Variants in ADARB2 observed in about 807,000 individuals in gnomAD.
The protein encoded by ADARB2 is inactive double-stranded RNA-specific editase B2.
Under a neutral mutation model 62.2 loss-of-function variants are expected in ADARB2, and 25 were observed. That is an observed-to-expected ratio of 0.40 (90% confidence interval 0.29 to 0.56). The LOEUF is 0.56. Ranked by LOEUF, ADARB2 falls within the 20% of genes least tolerant of loss-of-function variation. The pLI, the probability that ADARB2 is intolerant of heterozygous loss-of-function variation, is 0.43. For missense variants in ADARB2, 1,071 were observed against 1,077.4 expected, an observed-to-expected ratio of 0.99 and a Z score of 0.08; for synonymous variants, 572 against 500.8, an observed-to-expected ratio of 1.14 and a Z score of -1.90.
intron 1 of ADARB2, among the ~76,000 whole-genome samples, chr10:1,718,975 T>TTTG (rs747322897): frequency 3.6e-5 from 4 of 112,012 alleles, no homozygotes; most frequent in Admixed American, 8.8e-5. Context: ...TTACCTTCTT[T>TTTG]TTGTTGTTGT....
chr10:1,729,804 T>G (rs1209306313), intron 1 of ADARB2, among the ~76,000 whole-genome samples: 1 of 152,186 alleles, frequency 6.6e-6, no homozygotes, highest in African/African-American at 2.4e-5. Flanking sequence ...GAGGCTCCAG[T>G]TTCTGAGAAC....
chr10:1,277,855 A>G (rs1172457123), intron 3 of ADARB2, among the ~76,000 whole-genome samples: 1 of 152,254 alleles, frequency 6.6e-6, no homozygotes, highest in African/African-American at 2.4e-5. Flanking sequence ...GAAATCCTCA[A>G]TAAAATACTG....
intron 1 of ADARB2, among the ~76,000 whole-genome samples, chr10:1,544,956 T>TACACACACACACACACACACACAC (rs1554770300): frequency 0.059 from 7,927 of 133,796 alleles, 396 homozygotes; most frequent in Non-Finnish European, 0.078. Flanking sequence ...TAGCAAAGTA[T>TACACACACACACACACACACACAC]ACACACACAC....
At chr10:1,348,523 G>C in intron 3 of ADARB2, among the ~76,000 whole-genome samples, 1 of 152,290 alleles carries the variant, frequency 6.6e-6, no homozygotes, top group East Asian at 1.9e-4. Flanking sequence ...GCCCTTGGCC[G>C]GGAGGTGCCT....
intron 1 of ADARB2, among the ~76,000 whole-genome samples, chr10:1,415,488 G>C (rs575183521): frequency 1.8e-5 from 1 of 56,126 alleles, no homozygotes; most frequent in East Asian, 2.7e-4. Context: ...ATTGATACAT[G>C]AGTTGGCCAG....
At chr10:1,588,025 C>T (rs1833201957) in intron 1 of ADARB2, among the ~76,000 whole-genome samples, 1 of 152,176 alleles carries the variant, frequency 6.6e-6, no homozygotes, top group Non-Finnish European at 1.5e-5. Flanking sequence ...TCTTTATCAA[C>T]AGCTGAAAGC....
In ADARB2 at chr10:1,270,968, G is replaced by A. The variant is rs867615160; in HGVS notation, c.1179C>T (p.Ile393=). The change falls in exon 4 of 10, where the codon ATC becomes ATT. Residue 393 remains isoleucine (I), a synonymous_variant. Coordinates refer to ENST00000381312, the MANE Select transcript of ADARB2 (RefSeq NM_018702.4). ...MHARHKALAG[I]VMTKGLDARQ... ...GGAGGTGGCTACCTTTGGTCATGAC[G>A]ATTCCTGCCAGCGCTTTATGGCGGG... 2 of 1,614,110 alleles carry A rather than the reference G, an allele frequency of 1.2e-6. No homozygotes were observed. The highest frequency in any genetic ancestry group is 8.5e-7 in the Non-Finnish European group (1 of 1,179,994).
At chr10:1,184,766 G>T in intron 9 of ADARB2, 95 bp downstream of exon 9, 1 of 1,384,896 alleles carries the variant, frequency 7.2e-7, no homozygotes, top group Non-Finnish European at 9.8e-7. Context: ...CTCCCTCCCT[G>T]CAGACCAAGT....
chr10:1,523,989 AT>A (rs1297077967), intron 1 of ADARB2, among the ~76,000 whole-genome samples: 3 of 152,132 alleles, frequency 2.0e-5, no homozygotes, highest in Non-Finnish European at 4.4e-5. Context: ...TCACCTATTC[AT>A]TTTTTAATTA....
chr10:1,488,622 G>T (rs1351869689), intron 1 of ADARB2, among the ~76,000 whole-genome samples: 1 of 152,132 alleles, frequency 6.6e-6, no homozygotes, highest in Non-Finnish European at 1.5e-5. Context: ...CCATGAAATA[G>T]CCTAACACTG....
At chr10:1,295,753 T>C (rs1287230989) in intron 3 of ADARB2, among the ~76,000 whole-genome samples, 1 of 152,228 alleles carries the variant, frequency 6.6e-6, no homozygotes, top group Non-Finnish European at 1.5e-5. Flanking sequence ...GATAAATGGT[T>C]TTATTTTATT....
chr10:1,424,107 G>T (rs1025375466), intron 1 of ADARB2, among the ~76,000 whole-genome samples: 2 of 152,076 alleles, frequency 1.3e-5, no homozygotes, highest in East Asian at 1.9e-4. Context: ...TATGCAGAAG[G>T]TCCAACACAT....
intron 3 of ADARB2, among the ~76,000 whole-genome samples, chr10:1,356,119 C>T (rs1352714393): frequency 6.6e-6 from 1 of 152,152 alleles, no homozygotes; most frequent in Non-Finnish European, 1.5e-5. Context: ...TGGCCGTCAG[C>T]ACCTCTTTCA....
intron 1 of ADARB2, among the ~76,000 whole-genome samples, chr10:1,603,071 A>G (rs1273283961): frequency 7.0e-6 from 1 of 143,562 alleles, no homozygotes; most frequent in Non-Finnish European, 1.6e-5. Context: ...TACACACAAC[A>G]CAGACACCTG....
intron 3 of ADARB2, among the ~76,000 whole-genome samples, chr10:1,335,474 G>A (rs977524752): frequency 6.8e-6 from 1 of 146,090 alleles, no homozygotes; most frequent in Non-Finnish European, 1.5e-5. Flanking sequence ...GAAGGGTGGG[G>A]GGTGAAGGAA....
intron 1 of ADARB2, among the ~76,000 whole-genome samples, chr10:1,533,748 A>G (rs1832280087): frequency 6.6e-6 from 1 of 152,142 alleles, no homozygotes; most frequent in African/African-American, 2.4e-5. Context: ...CGCATATTCC[A>G]TTTCCTCCTC....
intron 1 of ADARB2, among the ~76,000 whole-genome samples, chr10:1,519,768 A>G (rs548295309): frequency 6.6e-6 from 1 of 152,276 alleles, no homozygotes; most frequent in Admixed American, 6.5e-5. Flanking sequence ...ACCCTGCATC[A>G]TGGATCTTGT....
chr10:1,186,081 T>C (rs1450862958), intron 8 of ADARB2, among the ~76,000 whole-genome samples: 1 of 152,144 alleles, frequency 6.6e-6, no homozygotes, highest in East Asian at 1.9e-4. Context: ...AACATGAGAT[T>C]CCGGTGCAGC....
intron 1 of ADARB2, among the ~76,000 whole-genome samples, chr10:1,420,368 A>G (rs1186339946): frequency 2.0e-5 from 3 of 152,224 alleles, no homozygotes; most frequent in African/African-American, 7.2e-5. Context: ...CAGCGCAGCC[A>G]CGGAAAATAA....
Sources: allele counts gnomAD v4.1 joint callset (sites outside exome capture counted in the v4.1 genomes callset), GRCh38; gene constraint gnomAD v4.1.1; transcripts MANE v1.5; gene names NCBI Gene and HGNC (gene_info 2026-07-23, HGNC 2026-07-21).